Variants in PHC3 observed in about 807,000 individuals in gnomAD.
PHC3 encodes the protein polyhomeotic homolog 3, also known as polyhomeotic-like protein 3.
A neutral mutation model predicts 107.4 loss-of-function variants in PHC3; 13 were observed. The observed-to-expected ratio is 0.12, with a 90% CI of 0.08 to 0.19. The LOEUF (loss-of-function observed/expected upper bound fraction) is 0.19, where lower values mean the gene tolerates loss of function less well. Among genes scored for constraint, PHC3 ranks in the 10% least tolerant of loss-of-function variants. The pLI, the probability that PHC3 is intolerant of heterozygous loss-of-function variation, is 1.00. For missense variants in PHC3, 992 were observed against 1,210.9 expected, an observed-to-expected ratio of 0.82 and a Z score of 2.68; for synonymous variants, 456 against 427.4, an observed-to-expected ratio of 1.07 and a Z score of -0.83.
At chr3:170,139,125 T>C (rs1458109679) in intron 6 of PHC3, among the ~76,000 whole-genome samples, 1 of 152,228 alleles carries the variant, frequency 6.6e-6, no homozygotes, top group Non-Finnish European at 1.5e-5. Flanking sequence ...AATTACTAAA[T>C]GTATGTTTGT....
At position 170,111,317 on chromosome 3, in the gene PHC3, G is replaced by GGAACGAACGAACGAAC. The variant is rs1252000410; in HGVS notation, c.2353+2042_2353+2043insGTTCGTTCGTTCGTTC. On this transcript the variant is annotated intron_variant, in intron 11 of 14. Coordinates refer to ENST00000495893, the MANE Select transcript of PHC3 (RefSeq NM_024947.4). Reference sequence around the variant, plus strand: ...AGGAAGGAAGGAAGGAAGGAAGGAAGGAACGAACGAACGAAAGAACAAAAG... The same window carrying GGAACGAACGAACGAAC: ...AGGAAGGAAGGAAGGAAGGAAGGAAGGAACGAACGAACGAACGAACGAACGAACGAAAGAACAAAAG... Among the ~76,000 whole-genome samples the GGAACGAACGAACGAAC allele has an allele frequency of 3.8e-3, 406 of 107,478 alleles. 2 individuals are homozygous for GGAACGAACGAACGAAC. Among genetic ancestry groups the GGAACGAACGAACGAAC allele is most frequent in the East Asian group, 7.3e-3 (31 of 4,260 alleles). The allele number at this position is 107,478 out of a possible 152,430, so 70.5% of individuals were successfully genotyped here. A position where few individuals can be genotyped will look rare whatever the true frequency, so the allele number is the denominator to read the frequency against.
intron 9 of PHC3, among the ~76,000 whole-genome samples, chr3:170,120,276 T>C (rs1388287662): frequency 6.6e-6 from 1 of 152,130 alleles, no homozygotes; most frequent in African/African-American, 2.4e-5. Flanking sequence ...TCTTATGAGG[T>C]ATTACTTTGA....
intron 11 of PHC3, among the ~76,000 whole-genome samples, chr3:170,111,505 G>C (rs982810221): frequency 1.3e-5 from 2 of 152,072 alleles, no homozygotes; most frequent in Non-Finnish European, 2.9e-5. Context: ...AATGGAGGAA[G>C]GAAACAAAAT....
At chr3:170,175,087 CTTAT>C (rs1418582812) in intron 2 of PHC3, among the ~76,000 whole-genome samples, 3 of 152,116 alleles carry the variant, frequency 2.0e-5, no homozygotes, top group African/African-American at 7.2e-5. Flanking sequence ...GCAAATTGTT[CTTAT>C]TTATTATAAA....
chr3:170,103,274 G>A (rs979654013), intron 12 of PHC3, among the ~76,000 whole-genome samples: 5 of 152,128 alleles, frequency 3.3e-5, no homozygotes, highest in Admixed American at 6.5e-5. Flanking sequence ...GGAAGGTTCC[G>A]AAAGAAAAAG....
Position 170,117,297 on chromosome 3 carries a change from T to C in PHC3, c.2122A>G (p.Ile708Val), listed in dbSNP as rs1023402656. The stretch of plus-strand genomic sequence containing the variant: ...TGGGTTAGGATCTGTGGTTTAACAA[T>C]AGCCTGTGGAGGTTTGTTCTCTATA... ...PSIENKPPQA[I>V]VKPQILTHVI... Residue 708 changes from isoleucine to valine, a missense_variant, in exon 10 of 15, where the codon ATT becomes GTT. Physicochemically the swap from Ile to Val is conservative, Grantham distance 29. Around this residue, in one of 6 missense-constraint regions of PHC3, gnomAD observed 543 missense variants for 590.8 expected, o/e 0.92. Transcript: ENST00000495893. 1.3e-5 allele frequency: 21 copies of C among 1,613,858 alleles called. No homozygotes were observed. The Admixed American group carries it at 2.3e-4, about 18-fold the overall frequency.
At chr3:170,155,674 T>C (rs1024376829) in intron 4 of PHC3, among the ~76,000 whole-genome samples, 2 of 152,180 alleles carry the variant, frequency 1.3e-5, no homozygotes, top group East Asian at 1.9e-4. Context: ...TGAGCCGAGA[T>C]TGCAGCACTG....
At chr3:170,141,047 T>C (rs1472756247) in intron 6 of PHC3, among the ~76,000 whole-genome samples, 2 of 152,226 alleles carry the variant, frequency 1.3e-5, no homozygotes, top group Non-Finnish European at 2.9e-5. Flanking sequence ...GGTATAAGAA[T>C]GTTTAATACT....
chr3:170,097,915 T>C lies in PHC3; in HGVS notation c.2834-531A>G, dbSNP rs576747155. Among the ~76,000 whole-genome samples, 4 of 152,314 alleles carry C rather than the reference T, an allele frequency of 2.6e-5. No homozygotes were observed. The South Asian group carries it at 8.3e-4, about 32-fold the overall frequency. Reference sequence around the variant, plus strand: ...TCACTTGAAAAGTACATTTAAAATATTTTTATTGTTCACTCGGGACATATC... The same window carrying C: ...TCACTTGAAAAGTACATTTAAAATACTTTTATTGTTCACTCGGGACATATC... On this transcript the variant is annotated intron_variant, in intron 14 of 14. Coordinates refer to ENST00000495893, the MANE Select transcript of PHC3 (RefSeq NM_024947.4). The surrounding 1 kb of genome is among the most constrained non-coding windows in gnomAD (Gnocchi z 4.1).
At position 170,178,781 on chromosome 3, in the gene PHC3, C is replaced by A; in HGVS notation, c.172G>T (p.Ala58Ser). 1 of 1,613,988 alleles carries A rather than the reference C, an allele frequency of 6.2e-7. No individual in the cohort carries two copies. The highest frequency in any genetic ancestry group is 8.5e-7 in the Non-Finnish European group (1 of 1,179,858). Residue 58 changes from alanine (A) to serine (S), a missense_variant, in exon 2 of 15, where the codon GCT becomes TCT. Ala to Ser is a moderately conservative substitution (Grantham distance 99, BLOSUM62 1). Transcript: ENST00000495893. ...ISVYSGSDRH[A>S]VQVIQQALHR... ...CACTACAGCTGAAATACCTGTACAG[C>A]ATGTCGGTCTGAACCACTGTAGACA... is the stretch of plus-strand genomic sequence containing the variant.
rs1392498441 is a variant in PHC3 at position 170,111,384 on chromosome 3, G to A, written c.2353+1976C>T. On this transcript the variant is annotated intron_variant, in intron 11 of 14. Transcript: ENST00000495893. ...AAGGAAGGAAAAAGAAAGAAAGAGAGAGAAAGAAAGAGGAAGGAAGGAAGG... is the reference window on the plus strand; with the variant it reads ...AAGGAAGGAAAAAGAAAGAAAGAGAAAGAAAGAAAGAGGAAGGAAGGAAGG... Among the ~76,000 whole-genome samples the A allele has an allele frequency of 8.4e-4, 119 of 141,726 alleles. 1 individual carries two copies. Among genetic ancestry groups the A allele is most frequent in the African/African-American group, 3.0e-3 (114 of 38,090 alleles). 93.0% of individuals were successfully genotyped at this position (141,726 alleles called of 152,430 possible).
intron 7 of PHC3, among the ~76,000 whole-genome samples, chr3:170,130,773 T>G (rs950390884): frequency 6.6e-6 from 1 of 152,120 alleles, no homozygotes; most frequent in Non-Finnish European, 1.5e-5. Flanking sequence ...GTGGCACATG[T>G]TTATAGAAAG....
chr3:170,114,750 C>G (rs1322693296), intron 10 of PHC3, among the ~76,000 whole-genome samples: 1 of 152,174 alleles, frequency 6.6e-6, no homozygotes, highest in African/African-American at 2.4e-5. Flanking sequence ...ATTTAAAAAA[C>G]AGAATGACTA....
chr3:170,113,926 G>A (rs1718368803), intron 10 of PHC3, among the ~76,000 whole-genome samples: 1 of 151,992 alleles, frequency 6.6e-6, no homozygotes. Flanking sequence ...TTAAGAGTTG[G>A]GTTTTTTTTT....
At chr3:170,178,114 C>T (rs1042682973) in intron 2 of PHC3, among the ~76,000 whole-genome samples, 1 of 152,074 alleles carries the variant, frequency 6.6e-6, no homozygotes, top group African/African-American at 2.4e-5. Context: ...ATAAGGACTC[C>T]GCCCACATGA....
intron 4 of PHC3, among the ~76,000 whole-genome samples, chr3:170,158,200 C>G (rs1349895525): frequency 6.6e-6 from 1 of 152,030 alleles, no homozygotes; most frequent in Non-Finnish European, 1.5e-5. Context: ...AAAATGAAGT[C>G]TATTTTTATA....
chr3:170,088,143 T>C lies in PHC3; in HGVS notation c.*9087A>G, dbSNP rs1199432314. ...ATGTAAAGAATACATCTATATATAA[T>C]CTTAACATGTTTTCTGTAAAGATAA... On this transcript the variant is annotated 3_prime_UTR_variant, in exon 15 of 15. Transcript: ENST00000495893. The C allele has an allele frequency of 6.6e-6, 1 of 152,188 alleles. No homozygotes were observed. The highest frequency in any genetic ancestry group is 2.4e-5 in the African/African-American group (1 of 41,454). The allele number at this position is 152,188 out of a possible 1,614,324, so 9.4% of individuals were successfully genotyped here.
intron 14 of PHC3, 138 bp downstream of exon 14, chr3:170,102,341 C>G: frequency 2.1e-6 from 3 of 1,453,902 alleles, no homozygotes; most frequent in Non-Finnish European, 2.7e-6. Flanking sequence ...GATCATATTT[C>G]AATAACAAAT....
rs142550431 is a variant in PHC3 at position 170,176,711 on chromosome 3, T to A, written c.180+2062A>T. 4.6e-3 allele frequency among the ~76,000 whole-genome samples: 700 copies of A among 152,354 alleles called. 12 individuals are homozygous for A. Among genetic ancestry groups the A allele is most frequent in the Non-Finnish European group, 3.4e-3 (228 of 68,032 alleles). On this transcript the variant is annotated intron_variant, in intron 2 of 14. Coordinates refer to ENST00000495893, the MANE Select transcript of PHC3 (RefSeq NM_024947.4). Reference sequence around the variant, plus strand: ...ATGGAGATAATTCATGTAACATTTATCAAATGTTTGGCACGTAGCAATTAT... The same window carrying A: ...ATGGAGATAATTCATGTAACATTTAACAAATGTTTGGCACGTAGCAATTAT...
Sources: gnomAD v4.1 joint callset for allele counts (sites outside exome capture counted in the v4.1 genomes callset) on GRCh38, gnomAD v4.1.1 for gene constraint, gnomAD v4.1.1 regional missense constraint, Gnocchi (gnomAD v3.1) non-coding constraint, MANE v1.5 for transcripts, NCBI Gene and HGNC (gene_info 2026-07-23, HGNC 2026-07-21) for gene names.